The following FAM193A variants were observed in gnomAD, a reference collection of about 807,000 sequenced individuals.
FAM193A encodes the protein protein FAM193A.
FAM193A carries 22 observed loss-of-function variants against 126.5 expected under a neutral mutation model. The observed-to-expected ratio is 0.17, with a 90% CI of 0.12 to 0.25. FAM193A has a LOEUF of 0.25. FAM193A is among the 10% of genes least tolerant of loss of function. The pLI is 1.00. For synonymous variants in FAM193A, 761 were observed against 646.8 expected (o/e 1.18, Z -2.68); for missense variants, 1,675 against 1,672.8 (o/e 1.00, Z -0.02).
rs67407606 is a variant in FAM193A, at chr4:2,577,411, G to GTTTTTTTTTTTTT, written c.256-18663_256-18662insTTTTTTTTTTTTT. ...ACAATCTATTCACTCAATTAAAGTG[G>GTTTTTTTTTTTTT]TTTTTTTTTTGTTTTTTTTTTTTTT... On this transcript the variant is annotated intron_variant, in intron 1 of 20. Transcript: ENST00000637812. 2.3e-3 allele frequency among the ~76,000 whole-genome samples: 232 copies of GTTTTTTTTTTTTT among 101,786 alleles called. 4 individuals carry two copies. The highest frequency in any genetic ancestry group is 2.9e-3 in the Non-Finnish European group (135 of 46,782). The allele number at this position is 101,786 out of a possible 152,430, so 66.8% of individuals were successfully genotyped here.
intron 2 of FAM193A, among the ~76,000 whole-genome samples, chr4:2,621,634 A>G (rs753411706): frequency 6.6e-6 from 1 of 152,218 alleles, no homozygotes; most frequent in Non-Finnish European, 1.5e-5. Context: ...TAGGTGTGCC[A>G]CTAGAGAGAG....
At chr4:2,587,709 G>T (rs1403086234) in intron 1 of FAM193A, among the ~76,000 whole-genome samples, 1 of 151,732 alleles carries the variant, frequency 6.6e-6, no homozygotes, top group Non-Finnish European at 1.5e-5. Flanking sequence ...GTAAATAAAA[G>T]AAAAAGAAAA....
chr4:2,666,438 G>A (rs1458343042), intron 12 of FAM193A, among the ~76,000 whole-genome samples: 5 of 152,098 alleles, frequency 3.3e-5, no homozygotes, highest in Non-Finnish European at 2.9e-5. Flanking sequence ...TTTTGCATCT[G>A]TGTTAATACT....
intron 20 of FAM193A, among the ~76,000 whole-genome samples, chr4:2,724,371 ATCC>A (rs1720497699): frequency 6.6e-6 from 1 of 152,140 alleles, no homozygotes. Flanking sequence ...ACAAAACCAC[ATCC>A]TCATGTTTTT....
In FAM193A at chr4:2,627,408, C is replaced by G. The variant is rs192234494; in HGVS notation, c.803+831C>G. On this transcript the variant is annotated intron_variant, in intron 4 of 20. Transcript: ENST00000637812. ...ACATAATCCACCTGCCTTGACCTCC[C>G]AAAGTGCTGGGATTACAGGCGTGAG... Among the ~76,000 whole-genome samples the G allele has an allele frequency of 4.1e-5, 3 of 72,652 alleles. 1 individual carries two copies. The East Asian group carries it at 1.5e-3, about 37-fold the overall frequency. The allele number at this position is 72,652 out of a possible 152,430, so 47.7% of individuals were successfully genotyped here.
intron 15 of FAM193A, among the ~76,000 whole-genome samples, chr4:2,692,848 AGAG>A (rs1716556140): frequency 1.2e-5 from 1 of 82,798 alleles, no homozygotes. Context: ...TCAAAAAAAG[AGAG>A]AGGGAGGGAG....
chr4:2,676,319 C>T lies in FAM193A; in HGVS notation c.2331+3947C>T, dbSNP rs1714398496. ...GTTTTGCTTTTTTAATAGTAACCAT[C>T]CTCAAGGATGTAAGGTGGTATCCCA... is the stretch of plus-strand genomic sequence containing the variant. On this transcript the variant is annotated intron_variant, in intron 13 of 20. Transcript: ENST00000637812. 2.0e-5 allele frequency among the ~76,000 whole-genome samples: 3 copies of T among 152,216 alleles called. No homozygotes were observed. The South Asian group carries it at 6.2e-4, about 32-fold the overall frequency.
chr4:2,726,016 A>G (rs952924782), intron 20 of FAM193A, among the ~76,000 whole-genome samples: 23 of 152,290 alleles, frequency 1.5e-4, no homozygotes, highest in Admixed American at 1.4e-3. Context: ...CTCCTGCCTC[A>G]GGCTCCTGAG....
At chr4:2,551,821 G>T (rs527518984) in intron 1 of FAM193A, among the ~76,000 whole-genome samples, 1 of 151,148 alleles carries the variant, frequency 6.6e-6, no homozygotes, top group African/African-American at 2.4e-5. Flanking sequence ...CTTTGGGTTT[G>T]TTTTTTATTT....
At chr4:2,604,433 T>C (rs1294428367) in intron 2 of FAM193A, among the ~76,000 whole-genome samples, 1 of 152,218 alleles carries the variant, frequency 6.6e-6, no homozygotes, top group Non-Finnish European at 1.5e-5. Flanking sequence ...TTATTTAAAA[T>C]GTCCTACTAT....
At chr4:2,639,424 T>G (rs772327275) in intron 5 of FAM193A, among the ~76,000 whole-genome samples, 1 of 152,144 alleles carries the variant, frequency 6.6e-6, no homozygotes, top group African/African-American at 2.4e-5. Flanking sequence ...GAGAAATGAC[T>G]CTCAAACGTG....
intron 1 of FAM193A, among the ~76,000 whole-genome samples, chr4:2,584,676 C>T (rs1489348057): frequency 2.0e-5 from 3 of 152,060 alleles, no homozygotes; most frequent in Admixed American, 2.0e-4. Context: ...CCTGTAATCC[C>T]AGCACTTTGG....
chr4:2,692,952 C>G (rs1716571746), intron 15 of FAM193A, among the ~76,000 whole-genome samples: 1 of 152,070 alleles, frequency 6.6e-6, no homozygotes, highest in Non-Finnish European at 1.5e-5. Context: ...CCTGTAGTCC[C>G]AGCACTTTAG....
intron 2 of FAM193A, 69 bp downstream of exon 2, chr4:2,596,398 A>C (rs1740866718): frequency 1.4e-5 from 9 of 665,194 alleles, no homozygotes; most frequent in Non-Finnish European, 2.5e-5. Context: ...GGTAACTGGC[A>C]GTGAAAGAAA....
At chr4:2,700,633 A>G (rs1577232757) in intron 19 of FAM193A, 89 bp downstream of exon 19, 7 of 1,492,544 alleles carry the variant, frequency 4.7e-6, no homozygotes, top group Middle Eastern at 5.0e-4. Context: ...TGGGTTTGGC[A>G]TGCTCTCGCC....
intron 6 of FAM193A, among the ~76,000 whole-genome samples, chr4:2,643,464 A>T (rs79561475): frequency 6.6e-6 from 1 of 152,206 alleles, no homozygotes; most frequent in African/African-American, 2.4e-5. Flanking sequence ...GTATATTTCA[A>T]TAACATTAAT....
At chr4:2,579,849 C>T (rs929564582) in intron 1 of FAM193A, among the ~76,000 whole-genome samples, 4 of 152,168 alleles carry the variant, frequency 2.6e-5, no homozygotes, top group African/African-American at 9.7e-5. Context: ...ATTAGTTTAA[C>T]CATTGTGGAA....
intron 2 of FAM193A, among the ~76,000 whole-genome samples, chr4:2,617,581 CTTTCAT>C (rs940726088): frequency 6.6e-6 from 1 of 151,802 alleles, no homozygotes; most frequent in Non-Finnish European, 1.5e-5. Context: ...ATTTTAAACT[CTTTCAT>C]TTTGTCTCCT....
At chr4:2,674,437 C>T (rs528649812) in intron 13 of FAM193A, among the ~76,000 whole-genome samples, 78 of 152,270 alleles carry the variant, frequency 5.1e-4, no homozygotes, top group African/African-American at 1.8e-3. Context: ...GAGGAAGTTT[C>T]TTAGAGATAA....
Sources: allele counts gnomAD v4.1 joint callset (sites outside exome capture counted in the v4.1 genomes callset), GRCh38; gene constraint gnomAD v4.1.1; transcripts MANE v1.5; gene names NCBI Gene and HGNC (gene_info 2026-07-23, HGNC 2026-07-21).